LMNA: variants seen among roughly 807,000 people sequenced by gnomAD.
LMNA encodes the protein lamin A/C, also known as lamin.
A neutral mutation model predicts 70.4 loss-of-function variants in LMNA; 20 were observed. The ratio of observed to expected loss-of-function variants is 0.28; its 90% CI spans 0.20 to 0.41. LMNA has a LOEUF of 0.41. LMNA is among the 10% of genes least tolerant of loss of function. The pLI is 1.00. For missense variants in LMNA, 652 were observed against 917.2 expected, an observed-to-expected ratio of 0.71 and a Z score of 3.73; for synonymous variants, 339 against 372.8, an observed-to-expected ratio of 0.91 and a Z score of 1.04.
chr1:156,108,126 G>T lies in LMNA; in HGVS notation c.-206-6587G>T, dbSNP rs565816715. ...ATAATACCTACCTCATAAGATTGAGGTGAAGATTAAATGGGATCACCTCCA... is the reference window on the plus strand; with the variant it reads ...ATAATACCTACCTCATAAGATTGAGTTGAAGATTAAATGGGATCACCTCCA... On this transcript the variant is annotated intron_variant, in intron 3 of 12. Transcript: ENST00000368301. Among the ~76,000 whole-genome samples, 25 of 152,202 alleles carry T rather than the reference G, an allele frequency of 1.6e-4. No homozygotes were observed. The South Asian group carries it at 5.2e-3, about 32-fold the overall frequency.
intron 1 of LMNA, chr1:156,126,195 T>C: frequency 6.5e-7 from 1 of 1,527,684 alleles, no homozygotes; most frequent in Non-Finnish European, 8.8e-7. Flanking sequence ...TCCTGTGTGC[T>C]GCCTGGCAAT....
At chr1:156,088,356 T>C (rs1258937049) in intron 2 of LMNA, among the ~76,000 whole-genome samples, 1 of 152,154 alleles carries the variant, frequency 6.6e-6, no homozygotes, top group Admixed American at 6.5e-5. Context: ...CAAACCTCAC[T>C]AGCATTAATT....
chr1:156,095,480 A>G (rs1648901122), intron 3 of LMNA, among the ~76,000 whole-genome samples: 1 of 150,886 alleles, frequency 6.6e-6, no homozygotes, highest in African/African-American at 2.4e-5. Context: ...CTAGGATTAC[A>G]GGCACCTGCC....
chr1:156,103,960 T>C lies in LMNA; in HGVS notation c.-206-10753T>C, dbSNP rs956832466. Reference sequence around the variant, plus strand: ...GCCTCAGTTCCTGGGACATCCTGGCTCCATTCTTCAGCACACCCTCCCTCA... The same window carrying C: ...GCCTCAGTTCCTGGGACATCCTGGCCCCATTCTTCAGCACACCCTCCCTCA... On this transcript the variant is annotated intron_variant, in intron 3 of 12. Transcript: ENST00000368301. The surrounding 1 kb of genome is among the most constrained non-coding windows in gnomAD (Gnocchi z 4.7). Among the ~76,000 whole-genome samples, 1 of 152,090 alleles carries C rather than the reference T, an allele frequency of 6.6e-6. No homozygotes were observed. The highest frequency in any genetic ancestry group is 2.4e-5 in the African/African-American group (1 of 41,410).
chr1:156,087,878 CTTTT>C (rs577355919), intron 2 of LMNA, among the ~76,000 whole-genome samples: 2 of 143,846 alleles, frequency 1.4e-5, no homozygotes, highest in African/African-American at 5.1e-5. Flanking sequence ...TTCTTTCTTT[CTTTT>C]TTTTTTTTGA....
intron 3 of LMNA, among the ~76,000 whole-genome samples, chr1:156,094,447 T>G (rs1648832613): frequency 6.6e-6 from 1 of 152,084 alleles, no homozygotes; most frequent in Admixed American, 6.5e-5. Flanking sequence ...CAAGTGATTC[T>G]TCTGCCTCAG....
intron 3 of LMNA, among the ~76,000 whole-genome samples, chr1:156,108,636 C>G (rs1311383467): frequency 6.6e-6 from 1 of 151,976 alleles, no homozygotes; most frequent in Non-Finnish European, 1.5e-5. Context: ...TTTAGTGGCG[C>G]ATGGTTGTAG....
At chr1:156,094,613 T>G (rs1384597192) in intron 3 of LMNA, among the ~76,000 whole-genome samples, 1 of 152,160 alleles carries the variant, frequency 6.6e-6, no homozygotes, top group African/African-American at 2.4e-5. Context: ...CCTCCCAAAG[T>G]GCTGGGATTA....
At position 156,138,794 on chromosome 1, in the gene LMNA, C is replaced by T. The variant is rs555070042; in HGVS notation, c.1968+37C>T. The T allele has an allele frequency of 7.9e-5, 128 of 1,612,748 alleles. No individual in the cohort carries two copies. Among genetic ancestry groups the T allele is most frequent in the Middle Eastern group, 1.7e-4 (1 of 5,948 alleles). ...CTGCTTTGTCTCCAAATCCTGCAGG[C>T]GGGTCCCTGGTCATCGAGGGGTAGG... On this transcript the variant is annotated intron_variant, in intron 11 of 11. Coordinates refer to ENST00000368300, the MANE Select transcript of LMNA (RefSeq NM_170707.4). The surrounding 1 kb of genome is among the most constrained non-coding windows in gnomAD (Gnocchi z 5.5).
rs2102901753 is a variant in LMNA at position 156,138,602 on chromosome 1, G to T, written c.1813G>T (p.Ala605Ser). The T allele has an allele frequency of 6.2e-7, 1 of 1,612,962 alleles. No individual in the cohort carries two copies. ...ADKASASGSGAQVGGPISSGS... is the reference protein window; with the variant it reads ...ADKASASGSGSQVGGPISSGS... ...CAAGGCATCTGCCAGCGGCTCAGGAGCCCAGGTGGGCGGACCCATCTCCTC... is the reference window on the plus strand; with the variant it reads ...CAAGGCATCTGCCAGCGGCTCAGGATCCCAGGTGGGCGGACCCATCTCCTC... Residue 605 changes from alanine (A) to serine (S), a missense_variant, in exon 11 of 12, where the codon GCC becomes TCC. By Grantham distance (99) the Ala-to-Ser change is moderately conservative. Around this residue, in one of 4 missense-constraint regions of LMNA, gnomAD observed 327 missense variants for 387.6 expected, o/e 0.84. Transcript: ENST00000368300. The surrounding 1 kb of genome is among the most constrained non-coding windows in gnomAD (Gnocchi z 5.5).
chr1:156,127,772 C>T (rs773127003), intron 1 of LMNA, among the ~76,000 whole-genome samples: 2 of 151,690 alleles, frequency 1.3e-5, no homozygotes, highest in African/African-American at 2.4e-5. Context: ...CTACAATCTC[C>T]GCCTCCCAGG....
chr1:156,112,630 C>G (rs548332779), upstream of LMNA, among the ~76,000 whole-genome samples: 26 of 152,274 alleles, frequency 1.7e-4, no homozygotes, highest in African/African-American at 6.3e-4. Flanking sequence ...GTGGGTGCCA[C>G]GCCCTGGGGG....
intron 1 of LMNA, chr1:156,129,750 A>C (rs1650879871): frequency 3.0e-6 from 2 of 671,562 alleles, no homozygotes; most frequent in Non-Finnish European, 5.6e-6. Flanking sequence ...TCAGGGGCCC[A>C]GAAAAGGTGA....
chr1:156,109,956 TC>T (rs1475630958), upstream of LMNA, among the ~76,000 whole-genome samples: 1 of 151,902 alleles, frequency 6.6e-6, no homozygotes, highest in African/African-American at 2.4e-5. Context: ...CAGGTGATCC[TC>T]CCATCTTAGC....
upstream of LMNA, among the ~76,000 whole-genome samples, chr1:156,111,757 G>A (rs575475433): frequency 1.6e-4 from 25 of 152,296 alleles, no homozygotes; most frequent in Non-Finnish European, 3.5e-4. Context: ...CATACTACAG[G>A]TAAGAAAACT....
chr1:156,122,931 C>T (rs556177307), intron 1 of LMNA, among the ~76,000 whole-genome samples: 1 of 152,248 alleles, frequency 6.6e-6, no homozygotes, highest in East Asian at 1.9e-4. Context: ...CTCCCTTCAC[C>T]CCTGCCTCCC....
At chr1:156,113,961 TTTCTTTAGGGGAC>T (rs1649636198), upstream of LMNA, among the ~76,000 whole-genome samples, 1 of 152,112 alleles carries the variant, frequency 6.6e-6, no homozygotes, top group South Asian at 2.1e-4. Context: ...TATTCTTGGC[TTTCTTTAGGGGAC>T]TTCTTTAGGG....
chr1:156,109,612 G>C (rs530516180), upstream of LMNA: 1 of 152,334 alleles, frequency 6.6e-6, no homozygotes, highest in African/African-American at 2.4e-5. Context: ...CACTGGGCCT[G>C]TTACTTACGG....
intron 2 of LMNA, chr1:156,083,635 T>C (rs1648359858): frequency 6.6e-6 from 1 of 152,138 alleles, no homozygotes; most frequent in Non-Finnish European, 1.5e-5. Context: ...AAACCTCGTC[T>C]CTACTAAAAA....
Sources: allele counts gnomAD v4.1 joint callset (sites outside exome capture counted in the v4.1 genomes callset), GRCh38; gene constraint gnomAD v4.1.1; regional missense constraint gnomAD v4.1.1; non-coding constraint Gnocchi (gnomAD v3.1); transcripts MANE v1.5; gene names NCBI Gene and HGNC (gene_info 2026-07-23, HGNC 2026-07-21).